Variants in TMED3 observed in about 807,000 individuals in gnomAD.
TMED3 encodes the protein transmembrane emp24 domain-containing protein 3.
Under a neutral mutation model 15.0 loss-of-function variants are expected in TMED3, and 9 were observed. The observed-to-expected ratio is 0.60, with a 90% CI of 0.36 to 1.04. The LOEUF is 1.04. Ranked by LOEUF, TMED3 falls within the 50% of genes least tolerant of loss-of-function variation. The pLI is 0.01. For synonymous variants in TMED3, 117 were observed against 121.4 expected, an observed-to-expected ratio of 0.96 and a Z score of 0.24; for missense variants, 267 against 278.9, an observed-to-expected ratio of 0.96 and a Z score of 0.30.
At chr15:79,344,781 CAA>C (rs2058863165) in intron 2 of TMED3, among the ~76,000 whole-genome samples, 1 of 152,154 alleles carries the variant, frequency 6.6e-6, no homozygotes, top group Non-Finnish European at 1.5e-5. Flanking sequence ...GGTGACTTAA[CAA>C]GAGTAATTTG....
intron 2 of TMED3, among the ~76,000 whole-genome samples, chr15:79,359,799 G>A (rs1893088399): frequency 6.6e-6 from 1 of 152,060 alleles, no homozygotes; most frequent in African/African-American, 2.4e-5. Flanking sequence ...TACAAGTAAA[G>A]CCCTTATTAT....
At chr15:79,357,825 C>T (rs2058925541) in intron 2 of TMED3, among the ~76,000 whole-genome samples, 1 of 152,146 alleles carries the variant, frequency 6.6e-6, no homozygotes, top group Non-Finnish European at 1.5e-5. Flanking sequence ...CTTTTCTGAG[C>T]CTCAGCTTTC....
At chr15:79,393,835 G>A (rs944489116) in intron 2 of TMED3, among the ~76,000 whole-genome samples, 9 of 152,004 alleles carry the variant, frequency 5.9e-5, no homozygotes, top group African/African-American at 9.7e-5. Context: ...ATCTGGGACC[G>A]CAGGTGCATG....
intron 2 of TMED3, among the ~76,000 whole-genome samples, chr15:79,355,996 G>A (rs974386419): frequency 1.3e-5 from 2 of 152,196 alleles, no homozygotes; most frequent in African/African-American, 4.8e-5. Flanking sequence ...AAATGTCAGA[G>A]ATGTCAGCAA....
intron 2 of TMED3, among the ~76,000 whole-genome samples, chr15:79,340,077 C>T (rs1271833757): frequency 6.6e-6 from 1 of 152,138 alleles, no homozygotes; most frequent in African/African-American, 2.4e-5. Context: ...ATGTGTATCT[C>T]CCATTGCTCC....
intron 2 of TMED3, among the ~76,000 whole-genome samples, chr15:79,398,359 A>T (rs1033652752): frequency 6.6e-6 from 1 of 151,996 alleles, no homozygotes; most frequent in Non-Finnish European, 1.5e-5. Context: ...AGGCAGTGGC[A>T]TAATCATAGC....
chr15:79,311,214 C>A lies in TMED3; in HGVS notation c.-36C>A. The A allele has an allele frequency of 6.4e-7, 1 of 1,562,252 alleles. No homozygotes were observed. Among genetic ancestry groups the A allele is most frequent in the Non-Finnish European group, 8.6e-7 (1 of 1,160,068 alleles). ...CCCCAGCCCGCCGGGGGCGCAGCGC[C>A]CGAGCCGCGGCCCTCGAGACGGGAC... On this transcript the variant is annotated 5_prime_UTR_variant, in exon 1 of 3. Coordinates refer to ENST00000299705, the MANE Select transcript of TMED3 (RefSeq NM_007364.4).
intron 2 of TMED3, among the ~76,000 whole-genome samples, chr15:79,334,053 G>A (rs1297697307): frequency 6.6e-6 from 1 of 152,048 alleles, no homozygotes; most frequent in East Asian, 1.9e-4. Context: ...TTAGCTAATA[G>A]CAAATTAATA....
intron 2 of TMED3, among the ~76,000 whole-genome samples, chr15:79,371,240 A>G (rs1893332583): frequency 1.3e-5 from 2 of 152,236 alleles, no homozygotes; most frequent in Admixed American, 1.3e-4. Flanking sequence ...TTTAGATGAC[A>G]TGATGTATAC....
At chr15:79,326,307 C>G (rs1253313865), downstream of TMED3, among the ~76,000 whole-genome samples, 1 of 152,096 alleles carries the variant, frequency 6.6e-6, no homozygotes, top group African/African-American at 2.4e-5. Context: ...ATCAAATAGC[C>G]CGGAGGGGTG....
At chr15:79,341,642 C>T (rs1013557156) in intron 2 of TMED3, among the ~76,000 whole-genome samples, 3 of 152,122 alleles carry the variant, frequency 2.0e-5, no homozygotes, top group Admixed American at 1.3e-4. Context: ...TACAGGAATT[C>T]GTTTATTCCC....
chr15:79,316,681 G>A (rs2058741687), intron 2 of TMED3, among the ~76,000 whole-genome samples: 1 of 152,176 alleles, frequency 6.6e-6, no homozygotes, highest in Non-Finnish European at 1.5e-5. Context: ...GGGTGTCCTA[G>A]AGACCGACAG....
chr15:79,360,519 T>C (rs889910939), intron 2 of TMED3, among the ~76,000 whole-genome samples: 2 of 152,234 alleles, frequency 1.3e-5, no homozygotes, highest in Non-Finnish European at 2.9e-5. Context: ...TGAGGACTTT[T>C]GCTATTGCAG....
chr15:79,357,456 C>T (rs2058923810), intron 2 of TMED3, among the ~76,000 whole-genome samples: 1 of 135,340 alleles, frequency 7.4e-6, no homozygotes, highest in Admixed American at 7.4e-5. Context: ...CTGCACTCCA[C>T]CCTGCCTCAA....
intron 2 of TMED3, among the ~76,000 whole-genome samples, chr15:79,335,224 C>T (rs985966343): frequency 1.3e-5 from 2 of 152,102 alleles, no homozygotes; most frequent in Non-Finnish European, 2.9e-5. Context: ...AGGTACCTTG[C>T]GTTTCAGGAA....
intron 2 of TMED3, among the ~76,000 whole-genome samples, chr15:79,362,316 A>G (rs2141241098): frequency 6.6e-6 from 1 of 151,368 alleles, no homozygotes; most frequent in African/African-American, 2.4e-5. Context: ...AAAAAAAAAA[A>G]AAAATTAGCC....
At chr15:79,388,654 A>G (rs141354983) in intron 2 of TMED3, among the ~76,000 whole-genome samples, 1 of 152,238 alleles carries the variant, frequency 6.6e-6, no homozygotes, top group Non-Finnish European at 1.5e-5. Flanking sequence ...TTCTAGTTTT[A>G]GTTCATGAAG....
At chr15:79,321,364 A>G (rs1314625458) in intron 2 of TMED3, among the ~76,000 whole-genome samples, 1 of 152,246 alleles carries the variant, frequency 6.6e-6, no homozygotes. Flanking sequence ...TGTGTTACAC[A>G]TGAGCGTATG....
intron 2 of TMED3, among the ~76,000 whole-genome samples, chr15:79,380,734 T>C (rs1275742053): frequency 2.0e-5 from 3 of 151,998 alleles, no homozygotes; most frequent in African/African-American, 7.2e-5. Flanking sequence ...CTCTACAATA[T>C]ATCCAAATTC....
Sources: gnomAD v4.1 joint callset for allele counts (sites outside exome capture counted in the v4.1 genomes callset) on GRCh38, gnomAD v4.1.1 for gene constraint, MANE v1.5 for transcripts, NCBI Gene and HGNC (gene_info 2026-07-23, HGNC 2026-07-21) for gene names.